Variants in KLRB1 observed in about 807,000 individuals in gnomAD.
The protein encoded by KLRB1 is killer cell lectin-like receptor subfamily B member 1.
KLRB1 carries 27 observed loss-of-function variants against 33.5 expected under a neutral mutation model. That is an observed-to-expected ratio of 0.81 (90% confidence interval 0.59 to 1.11). The LOEUF (loss-of-function observed/expected upper bound fraction) is 1.11. Ranked by LOEUF, KLRB1 falls within the 50% of genes most tolerant of loss-of-function variation. The pLI is 0.00. For synonymous variants in KLRB1, 64 were observed against 88.9 expected (o/e 0.72, Z 1.58); for missense variants, 241 against 254.1 (o/e 0.95, Z 0.35).
chr12:9,606,754 A>ATTTT (rs1414913660), intron 1 of KLRB1, among the ~76,000 whole-genome samples: 1 of 25,420 alleles, frequency 3.9e-5, no homozygotes, highest in Non-Finnish European at 7.4e-5. Flanking sequence ...ATATATATAT[A>ATTTT]TATATATTTT....
chr12:9,594,653 G>C lies in KLRB1; in HGVS notation c.*621C>G, dbSNP rs1421110611. 6.6e-6 allele frequency: 1 copy of C among 152,192 alleles called. No individual in the cohort carries two copies. The highest frequency in any genetic ancestry group is 1.5e-5 in the Non-Finnish European group (1 of 68,052). The allele number at this position is 152,192 out of a possible 1,614,324, so 9.4% of individuals were successfully genotyped here. A position where few individuals can be genotyped will look rare whatever the true frequency, so the allele number is the denominator to read the frequency against. On this transcript the variant is annotated 3_prime_UTR_variant, in exon 6 of 6. Transcript: ENST00000229402. ...AGTGGCCTAAGCAAGATGCTTTTAT[G>C]CTTTTTAGACCAAGAATGATAAATT...
In KLRB1 at chr12:9,607,335, C is replaced by CTTTCTTTCTTT. The variant is rs1491505010; in HGVS notation, c.85+419_85+420insAAAGAAAGAAA. On this transcript the variant is annotated intron_variant, in intron 1 of 5. Transcript: ENST00000229402. ...TTTCTTCTTTTCTTTCTCTTTCTTT[C>CTTTCTTTCTTT]CTTTCTTTCTTTCTTTCTTCCTTTC... 1.0e-3 allele frequency among the ~76,000 whole-genome samples: 65 copies of CTTTCTTTCTTT among 65,256 alleles called. 1 individual carries two copies. Among genetic ancestry groups the CTTTCTTTCTTT allele is most frequent in the African/African-American group, 2.5e-3 (61 of 23,980 alleles). 42.8% of individuals were successfully genotyped at this position (65,256 alleles called of 152,430 possible).
At chr12:9,595,902 TA>T (rs1864487799) in intron 5 of KLRB1, among the ~76,000 whole-genome samples, 1 of 152,182 alleles carries the variant, frequency 6.6e-6, no homozygotes. Context: ...ATTCAGGGTC[TA>T]TAGAATTTGG....
chr12:9,598,758 T>C (rs755040709), intron 3 of KLRB1, 105 bp from the exon 4 acceptor site: 1 of 724,334 alleles, frequency 1.4e-6, no homozygotes, highest in East Asian at 2.7e-5. Context: ...TGCTCAAAGT[T>C]TTTGATTATC....
chr12:9,602,564 G>C (rs1237933326), intron 1 of KLRB1, among the ~76,000 whole-genome samples: 2 of 151,954 alleles, frequency 1.3e-5, no homozygotes, highest in African/African-American at 4.8e-5. Context: ...CCCTATCTCT[G>C]ATTTAATTGT....
chr12:9,606,160 T>C (rs1305586047), intron 1 of KLRB1, among the ~76,000 whole-genome samples: 3 of 152,194 alleles, frequency 2.0e-5, no homozygotes, highest in Non-Finnish European at 4.4e-5. Flanking sequence ...TTCAATAGTT[T>C]AAAACTTAAA....
At chr12:9,605,632 C>G (rs1416148482) in intron 1 of KLRB1, among the ~76,000 whole-genome samples, 1 of 152,220 alleles carries the variant, frequency 6.6e-6, no homozygotes, top group Non-Finnish European at 1.5e-5. Context: ...GATCGGTTAT[C>G]ACTCACATCT....
chr12:9,606,756 A>ATTTTTTTTTTT (rs1188705968), intron 1 of KLRB1, among the ~76,000 whole-genome samples: 523 of 31,478 alleles, frequency 0.017, 33 homozygotes, highest in Non-Finnish European at 0.024. Context: ...ATATATATAT[A>ATTTTTTTTTTT]TATATTTTTT....
rs748806837 is a variant in KLRB1 at position 9,599,777 on chromosome 12, A to C, written c.249T>G (p.Asn83Lys). ...KCSVDIQQSR[N>K]KTTERPGLLN... ...AAGCCACACAATTACCTGTTGTTTTATTCCTGCTCTGTTGAATGTCCACAC... is the reference window on the plus strand; with the variant it reads ...AAGCCACACAATTACCTGTTGTTTTCTTCCTGCTCTGTTGAATGTCCACAC... The change falls in exon 3 of 6, where the codon AAT (asparagine) becomes AAG (lysine). Residue 83 changes from asparagine (N) to lysine (K), a missense_variant. By Grantham distance (94) the Asn-to-Lys change is moderately conservative. Transcript: ENST00000229402. 1.3e-5 allele frequency: 21 copies of C among 1,597,762 alleles called. No individual in the cohort carries two copies. In the East Asian group the frequency reaches 4.5e-4, roughly 34 times the overall value.
At chr12:9,599,011 C>A (rs1410124738) in intron 3 of KLRB1, among the ~76,000 whole-genome samples, 1 of 152,198 alleles carries the variant, frequency 6.6e-6, no homozygotes, top group Non-Finnish European at 1.5e-5. Context: ...TTCTCAGTTT[C>A]CTTAAATTCA....
intron 5 of KLRB1, among the ~76,000 whole-genome samples, chr12:9,596,016 T>C (rs900620669): frequency 2.6e-5 from 4 of 152,146 alleles, no homozygotes; most frequent in African/African-American, 9.7e-5. Flanking sequence ...AACATAATAT[T>C]AGTTTCAAAC....
Position 9,607,408 on chromosome 12 carries a change from T to TTTC in KLRB1, c.85+346_85+347insGAA, listed in dbSNP as rs768238888. The stretch of plus-strand genomic sequence containing the variant: ...TCTTTCTTTCTTTCTTTCTTTCTTT[T>TTTC]CTTTCTTTCTTTCTTTCTTCCTTCT... On this transcript the variant is annotated intron_variant, in intron 1 of 5. Transcript: ENST00000229402. Among the ~76,000 whole-genome samples, 105 of 125,764 alleles carry TTTC rather than the reference T, an allele frequency of 8.3e-4. 4 individuals are homozygous for TTTC. In the Middle Eastern group the frequency reaches 0.019, roughly 23 times the overall value. The allele number at this position is 125,764 out of a possible 152,430, so 82.5% of individuals were successfully genotyped here.
rs1255378045 is a variant in KLRB1 at position 9,607,340 on chromosome 12, CTTTCTTT to C, written c.85+408_85+414del. On this transcript the variant is annotated intron_variant, in intron 1 of 5. Coordinates refer to ENST00000229402, the MANE Select transcript of KLRB1 (RefSeq NM_002258.3). ...TCTTTTCTTTCTCTTTCTTTCCTTT[CTTTCTTT>C]CTTTCTTCCTTTCTTTCTTTCTTTC... Among the ~76,000 whole-genome samples, 102 of 47,970 alleles carry C rather than the reference CTTTCTTT, an allele frequency of 2.1e-3. 1 individual carries two copies. Among genetic ancestry groups the C allele is most frequent in the South Asian group, 5.1e-3 (6 of 1,180 alleles). 31.5% of individuals were successfully genotyped at this position (47,970 alleles called of 152,430 possible).
rs370155365 is a variant in KLRB1, at chr12:9,605,847, G to A, written c.85+1908C>T. Among the ~76,000 whole-genome samples the A allele has an allele frequency of 5.9e-5, 9 of 152,158 alleles. No homozygotes were observed. In the East Asian group the frequency reaches 9.7e-4, roughly 16 times the overall value. ...TTACTCTCAGAATGACATTTTATAG[G>A]ATAATTATTACAATCCAAGTAGAAA... On this transcript the variant is annotated intron_variant, in intron 1 of 5. Transcript: ENST00000229402.
Position 9,595,129 on chromosome 12 carries a change from G to A in KLRB1, c.*145C>T. On this transcript the variant is annotated 3_prime_UTR_variant, in exon 6 of 6. Transcript: ENST00000229402. ...ATGAATATGATAAACATGAACTTCT[G>A]TAAGATTCATAACAGTTGTCAATTC... 1 of 648,784 alleles carries A rather than the reference G, an allele frequency of 1.5e-6. No individual in the cohort carries two copies. Among genetic ancestry groups the A allele is most frequent in the East Asian group, 2.7e-5 (1 of 37,242 alleles). The allele number at this position is 648,784 out of a possible 1,614,324, so 40.2% of individuals were successfully genotyped here. A position where few individuals can be genotyped will look rare whatever the true frequency, so the allele number is the denominator to read the frequency against.
At chr12:9,600,950 G>A (rs1864534829) in intron 2 of KLRB1, among the ~76,000 whole-genome samples, 1 of 151,322 alleles carries the variant, frequency 6.6e-6, no homozygotes, top group African/African-American at 2.4e-5. Context: ...GAGACAAGAG[G>A]AAGGCATCTG....
At chr12:9,597,503 A>G (rs1036108374) in intron 5 of KLRB1, among the ~76,000 whole-genome samples, 1 of 152,158 alleles carries the variant, frequency 6.6e-6, no homozygotes, top group African/African-American at 2.4e-5. Flanking sequence ...AAAACAGCAA[A>G]TAGCTCTTTT....
intron 1 of KLRB1, among the ~76,000 whole-genome samples, chr12:9,607,409 C>CTTTCTTTCTTTCTTTTCT (rs1864632674): frequency 6.8e-5 from 6 of 88,110 alleles, no homozygotes; most frequent in African/African-American, 2.5e-4. Flanking sequence ...TCTTTCTTTT[C>CTTTCTTTCTTTCTTTTCT]TTTCTTTCTT....
At chr12:9,604,408 G>A (rs1036452287) in intron 1 of KLRB1, among the ~76,000 whole-genome samples, 1 of 138,742 alleles carries the variant, frequency 7.2e-6, no homozygotes, top group Non-Finnish European at 1.6e-5. Context: ...CATCTCTCTG[G>A]TTTTGTTGAC....
Sources: allele counts gnomAD v4.1 joint callset (sites outside exome capture counted in the v4.1 genomes callset), GRCh38; gene constraint gnomAD v4.1.1; transcripts MANE v1.5; gene names NCBI Gene and HGNC (gene_info 2026-07-23, HGNC 2026-07-21).